The following ETV4 variants were observed in gnomAD, a reference collection of about 807,000 sequenced individuals.
The protein encoded by ETV4 is ETS variant transcription factor 4.
A neutral mutation model predicts 65.9 loss-of-function variants in ETV4; 42 were observed. That is an observed-to-expected ratio of 0.64 (90% CI 0.50 to 0.82). ETV4 has a LOEUF of 0.82. Ranked by LOEUF, ETV4 falls within the 40% of genes least tolerant of loss-of-function variation. The pLI, the probability that ETV4 is intolerant of heterozygous loss-of-function variation, is 0.00. For missense variants in ETV4, 583 were observed against 630.3 expected (o/e 0.92, Z 0.80); for synonymous variants, 238 against 260.0 (o/e 0.92, Z 0.81).
chr17:43,545,761 C>T, intron 1 of ETV4, 93 bp from the exon 2 acceptor site: 1 of 682,118 alleles, frequency 1.5e-6, no homozygotes, highest in Non-Finnish European at 2.4e-6. Flanking sequence ...GGTCCGACGG[C>T]GAAACTTCTC....
At chr17:43,540,854 A>T (rs1221575303) in intron 4 of ETV4, among the ~76,000 whole-genome samples, 1 of 152,044 alleles carries the variant, frequency 6.6e-6, no homozygotes, top group African/African-American at 2.4e-5. Context: ...ACTAGGCAAG[A>T]AGGGTCCCAA....
Position 43,528,484 on chromosome 17 carries a change from C to G in ETV4, c.*35G>C. ...ATTCATTTATATGTACACAGGGCAG[C>G]ACCCACCTGCGGCAGGGGGAACAGC... On this transcript the variant is annotated 3_prime_UTR_variant, in exon 13 of 13. Transcript: ENST00000319349. 1 of 1,429,224 alleles carries G rather than the reference C, an allele frequency of 7.0e-7. No individual in the cohort carries two copies. Among genetic ancestry groups the G allele is most frequent in the South Asian group, 1.2e-5 (1 of 80,774 alleles). 88.5% of individuals were successfully genotyped at this position (1,429,224 alleles called of 1,614,324 possible). A position where few individuals can be genotyped will look rare whatever the true frequency, so the allele number is the denominator to read the frequency against.
intron 7 of ETV4, 107 bp downstream of exon 7, chr17:43,533,080 C>A: frequency 6.6e-7 from 1 of 1,510,758 alleles, no homozygotes; most frequent in South Asian, 1.3e-5. Flanking sequence ...CTTTCTATTC[C>A]ACTGCCCCCT....
chr17:43,533,879 GCCA>G lies in ETV4; in HGVS notation c.360_362del (p.Gly121del). ...CTCACCTGGAGTAAAGGCACTGCTC[GCCA>G]TGGTGGTAGGGGAGTGGCGGCTTCC... On this transcript the variant is annotated inframe_deletion, in exon 6 of 13. Coordinates refer to ENST00000319349, the MANE Select transcript of ETV4 (RefSeq NM_001079675.5). 6.2e-7 allele frequency: 1 copy of G among 1,605,458 alleles called. No individual in the cohort carries two copies. Among genetic ancestry groups the G allele is most frequent in the Non-Finnish European group, 8.5e-7 (1 of 1,176,594 alleles).
chr17:43,533,411 T>C, intron 6 of ETV4, 63 bp from the exon 7 acceptor site: 1 of 1,497,682 alleles, frequency 6.7e-7, no homozygotes, highest in Non-Finnish European at 9.2e-7. Flanking sequence ...TTTGAACCCT[T>C]CATTCCTAGG....
In ETV4 at chr17:43,527,853, AGTG is replaced by A; in HGVS notation, c.*663_*665del. The A allele has an allele frequency of 4.4e-6, 1 of 229,058 alleles. No individual in the cohort carries two copies. The highest frequency in any genetic ancestry group is 8.7e-6 in the Non-Finnish European group (1 of 115,248). 14.2% of individuals were successfully genotyped at this position (229,058 alleles called of 1,614,324 possible). A position where few individuals can be genotyped will look rare whatever the true frequency, so the allele number is the denominator to read the frequency against. ...AGGACACAGGAGAACTAATGGGAGA[AGTG>A]GGGGCCTTTATTAAGGTCTGGCAGA... is the stretch of plus-strand genomic sequence containing the variant. On this transcript the variant is annotated 3_prime_UTR_variant, in exon 13 of 13. Coordinates refer to ENST00000319349, the MANE Select transcript of ETV4 (RefSeq NM_001079675.5).
intron 4 of ETV4, among the ~76,000 whole-genome samples, chr17:43,537,163 C>G (rs947218609): frequency 6.6e-6 from 1 of 151,824 alleles, no homozygotes; most frequent in East Asian, 1.9e-4. Context: ...GTCCGGAGTT[C>G]GAGACCAGCC....
At chr17:43,528,807 G>A in intron 12 of ETV4, 64 bp from the exon 13 acceptor site, 4 of 1,330,048 alleles carry the variant, frequency 3.0e-6, no homozygotes, top group East Asian at 4.7e-5. Flanking sequence ...GGGGTAAGGT[G>A]GGGGAGTGGG....
In ETV4 at chr17:43,545,653, A is replaced by G. The variant is rs1209274428; in HGVS notation, c.-36T>C. On this transcript the variant is annotated 5_prime_UTR_variant, in exon 2 of 13. Transcript: ENST00000319349. ...CCTCCGGCCGCACGGCCGGGGCCCC[A>G]AGCGGGGGCCGAGACCTGGTGGGGG... 1 of 1,545,354 alleles carries G rather than the reference A, an allele frequency of 6.5e-7. No homozygotes were observed.
intron 4 of ETV4, among the ~76,000 whole-genome samples, chr17:43,542,162 C>T (rs372042952): frequency 4.1e-4 from 62 of 152,200 alleles, no homozygotes; most frequent in East Asian, 2.7e-3. Context: ...AAAAGGGGAG[C>T]GCAGATCGAT....
In ETV4 at chr17:43,545,336, G is replaced by A. The variant is rs760352888; in HGVS notation, c.92C>T (p.Ala31Val). ...GAGCTTCCCCAGCGGGCCGATCAGC[G>A]CTTCGCGCAAGCTCCCATTTCCGGG... ...KSPGNGSLREALIGPLGKLMD... is the reference protein window; with the variant it reads ...KSPGNGSLREVLIGPLGKLMD... Residue 31 changes from alanine (A) to valine (V), a missense_variant, in exon 3 of 13, where the codon GCG (alanine) becomes GTG (valine). By Grantham distance (64) the Ala-to-Val change is moderately conservative. Coordinates refer to ENST00000319349, the MANE Select transcript of ETV4 (RefSeq NM_001079675.5). The A allele has an allele frequency of 1.2e-6, 2 of 1,606,938 alleles. No homozygotes were observed. Among genetic ancestry groups the A allele is most frequent in the East Asian group, 2.2e-5 (1 of 44,604 alleles).
Position 43,546,174 on chromosome 17 carries a change from C to G in ETV4, c.-52+11G>C, listed in dbSNP as rs548557724. 1 of 153,792 alleles carries G rather than the reference C, an allele frequency of 6.5e-6. No homozygotes were observed. The allele number at this position is 153,792 out of a possible 1,614,324, so 9.5% of individuals were successfully genotyped here. On this transcript the variant is annotated intron_variant, in intron 1 of 12. Coordinates refer to ENST00000319349, the MANE Select transcript of ETV4 (RefSeq NM_001079675.5). ...AGACACTCTCCCTCCCTTTCCCTCC[C>G]GCAGCCTCACCTGAGGCCGGGGCGT...
At position 43,536,430 on chromosome 17, in the gene ETV4, T is replaced by A; in HGVS notation, c.252A>T (p.Glu84Asp). The A allele has an allele frequency of 1.2e-6, 2 of 1,614,218 alleles. No homozygotes were observed. Among genetic ancestry groups the A allele is most frequent in the East Asian group, 2.2e-5 (1 of 44,894 alleles). ...DEQFVPDFHSENLAFHSPTTR... is the reference protein window; with the variant it reads ...DEQFVPDFHSDNLAFHSPTTR... ...TCCCCAGGGACCTCTACTCACGGTT[T>A]TCTGAATGGAAATCAGGAACAAACT... is the stretch of plus-strand genomic sequence containing the variant. The change falls in exon 5 of 13, where the codon GAA becomes GAT. Residue 84 changes from glutamate (E) to aspartate (D), a missense_variant. Coordinates refer to ENST00000319349, the MANE Select transcript of ETV4 (RefSeq NM_001079675.5).
chr17:43,545,845 C>T (rs1464594881), intron 1 of ETV4, 177 bp from the exon 2 acceptor site: 1 of 599,168 alleles, frequency 1.7e-6, no homozygotes, highest in Non-Finnish European at 3.0e-6. Flanking sequence ...CCGCCAAAGG[C>T]CAAAGGAGGT....
At chr17:43,535,141 T>C (rs1234873250) in intron 5 of ETV4, among the ~76,000 whole-genome samples, 2 of 152,178 alleles carry the variant, frequency 1.3e-5, no homozygotes, top group African/African-American at 4.8e-5. Flanking sequence ...GGTGTGAGAT[T>C]CAGTTTTAAC....
rs1280150903 is a variant in ETV4 at position 43,545,119 on chromosome 17, G to A, written c.155-97C>T. The A allele has an allele frequency of 2.9e-6, 4 of 1,396,014 alleles. No homozygotes were observed. The Admixed American group carries it at 7.0e-5, about 24-fold the overall frequency. 86.5% of individuals were successfully genotyped at this position (1,396,014 alleles called of 1,614,324 possible). On this transcript the variant is annotated intron_variant, in intron 3 of 12. Transcript: ENST00000319349. ...CGGTGACTCCCCTGCCTTGGGAGTA[G>A]GGACCGAGAAGAATGACCAAAATCC... is the stretch of plus-strand genomic sequence containing the variant.
In ETV4 at chr17:43,533,336, G is replaced by A. The variant is rs1455402269; in HGVS notation, c.396C>T (p.Pro132=). Residue 132 remains proline, a synonymous_variant, in exon 7 of 13, where the codon CCC becomes CCT. Coordinates refer to ENST00000319349, the MANE Select transcript of ETV4 (RefSeq NM_001079675.5). ...GGGACTTGATGGCGATTTGTCTGGG[G>A]GGGTCATAGGCACTGGAGTTGAGAA... ...EQCLYSSAYD[P]PRQIAIKSPA... 1.9e-6 allele frequency: 3 copies of A among 1,613,372 alleles called. No individual in the cohort carries two copies. The highest frequency in any genetic ancestry group is 1.6e-4 in the Middle Eastern group (1 of 6,074).
At chr17:43,542,546 A>G (rs1971576657) in intron 4 of ETV4, among the ~76,000 whole-genome samples, 1 of 151,970 alleles carries the variant, frequency 6.6e-6, no homozygotes, top group South Asian at 2.1e-4. Flanking sequence ...TCTTTCCCCA[A>G]CATCTCAACA....
At chr17:43,543,036 G>A (rs1260916768) in intron 4 of ETV4, among the ~76,000 whole-genome samples, 4 of 152,016 alleles carry the variant, frequency 2.6e-5, no homozygotes, top group Admixed American at 1.3e-4. Context: ...ACAGGGCCCC[G>A]GCAGCTGCAT....
Sources: gnomAD v4.1 joint callset for allele counts (sites outside exome capture counted in the v4.1 genomes callset) on GRCh38, gnomAD v4.1.1 for gene constraint, MANE v1.5 for transcripts, NCBI Gene and HGNC (gene_info 2026-07-23, HGNC 2026-07-21) for gene names.